Variants in TGM3 observed in about 807,000 individuals in gnomAD.
TGM3 encodes protein-glutamine gamma-glutamyltransferase E.
A neutral mutation model predicts 73.8 loss-of-function variants in TGM3; 52 were observed. The observed-to-expected ratio is 0.70, with a 90% CI of 0.56 to 0.89. TGM3 has a LOEUF of 0.89. Among genes scored for constraint, TGM3 ranks in the 40% least tolerant of loss-of-function variants. The pLI, the probability that TGM3 is intolerant of heterozygous loss-of-function variation, is 0.00. For missense variants in TGM3, 928 were observed against 909.9 expected, an observed-to-expected ratio of 1.02 and a Z score of -0.26; for synonymous variants, 372 against 354.9, an observed-to-expected ratio of 1.05 and a Z score of -0.54.
At chr20:2,299,776 T>C (rs1412608090) in intron 1 of TGM3, among the ~76,000 whole-genome samples, 1 of 152,216 alleles carries the variant, frequency 6.6e-6, no homozygotes, top group African/African-American at 2.4e-5. Context: ...CAGTCCCTGC[T>C]GCACATTAGA....
At chr20:2,339,582 A>G (rs1373733382) in intron 11 of TGM3, among the ~76,000 whole-genome samples, 1 of 152,134 alleles carries the variant, frequency 6.6e-6, no homozygotes, top group Non-Finnish European at 1.5e-5. Context: ...GGGAAGTAAC[A>G]GTGTTGTTGG....
intron 11 of TGM3, 77 bp downstream of exon 11, chr20:2,335,350 T>C (rs763142158): frequency 5.7e-6 from 9 of 1,566,444 alleles, no homozygotes; most frequent in Non-Finnish European, 7.0e-6. Flanking sequence ...ACTGTCCCTG[T>C]GAGCCACAGC....
intron 7 of TGM3, among the ~76,000 whole-genome samples, chr20:2,318,398 C>T (rs922435458): frequency 2.0e-5 from 3 of 152,034 alleles, no homozygotes; most frequent in South Asian, 2.1e-4. Flanking sequence ...CACACACACA[C>T]GTAATTTAAT....
At chr20:2,335,381 A>G in intron 11 of TGM3, 108 bp downstream of exon 11, 1 of 1,404,090 alleles carries the variant, frequency 7.1e-7, no homozygotes, top group Non-Finnish European at 9.7e-7. Context: ...GGCAAAGGAG[A>G]GTTTTTTCTT....
intron 5 of TGM3, among the ~76,000 whole-genome samples, chr20:2,315,256 T>C (rs1316885261): frequency 6.6e-6 from 1 of 152,234 alleles, no homozygotes; most frequent in African/African-American, 2.4e-5. Flanking sequence ...GATGCTCTAT[T>C]CAGACCTCCC....
At chr20:2,311,492 T>C (rs2084203270) in intron 4 of TGM3, among the ~76,000 whole-genome samples, 1 of 152,196 alleles carries the variant, frequency 6.6e-6, no homozygotes, top group South Asian at 2.1e-4. Context: ...TTTCATTCCA[T>C]GTAACAATGC....
Position 2,321,049 on chromosome 20 carries a change from C to G in TGM3, c.983+3564C>G, listed in dbSNP as rs535961512. On this transcript the variant is annotated intron_variant, in intron 7 of 12. Coordinates refer to ENST00000381458, the MANE Select transcript of TGM3 (RefSeq NM_003245.4). ...GCCCCTGGCTCCTCATGCAATCTCTCCACGGCCTCTGCCTCTGAATACCTG... is the reference window on the plus strand; with the variant it reads ...GCCCCTGGCTCCTCATGCAATCTCTGCACGGCCTCTGCCTCTGAATACCTG... Among the ~76,000 whole-genome samples, 7 of 152,308 alleles carry G rather than the reference C, an allele frequency of 4.6e-5. No individual in the cohort carries two copies. In the South Asian group the frequency reaches 1.5e-3, roughly 32 times the overall value.
In TGM3 at chr20:2,328,454, C is replaced by A. The variant is rs1456739778; in HGVS notation, c.1333+89C>A. The A allele has an allele frequency of 2.0e-6, 3 of 1,532,762 alleles. No homozygotes were observed. In the East Asian group the frequency reaches 6.9e-5, roughly 35 times the overall value. The allele number at this position is 1,532,762 out of a possible 1,614,324, so 94.9% of individuals were successfully genotyped here. The stretch of plus-strand genomic sequence containing the variant: ...CTGGAGAGGAGAAAAGTCCTCACCT[C>A]CCCCGCACTGGCAGCCAGTTCTGCC... On this transcript the variant is annotated intron_variant, in intron 9 of 12. Transcript: ENST00000381458. This position sits in a 1 kb window ranked among gnomAD's most constrained non-coding sequence, Gnocchi z 5.2.
intron 4 of TGM3, among the ~76,000 whole-genome samples, chr20:2,312,326 G>T (rs2084208943): frequency 6.6e-6 from 1 of 150,688 alleles, no homozygotes; most frequent in East Asian, 2.0e-4. Flanking sequence ...CTTCCCAGGA[G>T]GTGGAGGTCA....
At position 2,314,037 on chromosome 20, in the gene TGM3, G is replaced by T. The variant is rs192806628; in HGVS notation, c.669+1011G>T. On this transcript the variant is annotated intron_variant, in intron 5 of 12. Coordinates refer to ENST00000381458, the MANE Select transcript of TGM3 (RefSeq NM_003245.4). ...AAAAAAAAATTAGCAGGGCATGGTA[G>T]CATGTGACAGTAGTCCCAGCTACTT... Among the ~76,000 whole-genome samples the T allele has an allele frequency of 2.2e-3, 330 of 152,176 alleles. 1 individual carries two copies. The Middle Eastern group carries it at 0.061, about 28-fold the overall frequency.
Position 2,332,863 on chromosome 20 carries a change from G to T in TGM3, c.1642+553G>T, listed in dbSNP as rs573758182. Reference sequence around the variant, plus strand: ...TTTCAAATTTGACCTCAGGAGGGTGGCAATGACCACGGGACCCTAAACCTT... The same window carrying T: ...TTTCAAATTTGACCTCAGGAGGGTGTCAATGACCACGGGACCCTAAACCTT... On this transcript the variant is annotated intron_variant, in intron 10 of 12. Transcript: ENST00000381458. The surrounding 1 kb of genome is among the most constrained non-coding windows in gnomAD (Gnocchi z 4.4). Among the ~76,000 whole-genome samples, 63 of 152,274 alleles carry T rather than the reference G, an allele frequency of 4.1e-4. No homozygotes were observed. Among genetic ancestry groups the T allele is most frequent in the Middle Eastern group, 3.4e-3 (1 of 294 alleles).
chr20:2,310,066 A>G, intron 2 of TGM3, 112 bp from the exon 3 acceptor site: 1 of 1,500,202 alleles, frequency 6.7e-7, no homozygotes, highest in Non-Finnish European at 9.0e-7. Flanking sequence ...CAGTGGTAGA[A>G]TATGGCGCTT....
At chr20:2,302,714 T>TAAAAAAAAAAAAAAA (rs56347560) in intron 1 of TGM3, among the ~76,000 whole-genome samples, 11 of 105,258 alleles carry the variant, frequency 1.0e-4, no homozygotes, top group East Asian at 6.6e-4. Flanking sequence ...AGAGGTTTTC[T>TAAAAAAAAAAAAAAA]AAAAAAAAAA....
At position 2,328,452 on chromosome 20, in the gene TGM3, C is replaced by G; in HGVS notation, c.1333+87C>G. The stretch of plus-strand genomic sequence containing the variant: ...GGCTGGAGAGGAGAAAAGTCCTCAC[C>G]TCCCCCGCACTGGCAGCCAGTTCTG... On this transcript the variant is annotated intron_variant, in intron 9 of 12. Coordinates refer to ENST00000381458, the MANE Select transcript of TGM3 (RefSeq NM_003245.4). The surrounding 1 kb of genome is among the most constrained non-coding windows in gnomAD (Gnocchi z 5.2). 6.5e-7 allele frequency: 1 copy of G among 1,539,976 alleles called. No individual in the cohort carries two copies. The highest frequency in any genetic ancestry group is 8.8e-7 in the Non-Finnish European group (1 of 1,137,808).
At chr20:2,315,200 C>T (rs2084226941) in intron 5 of TGM3, among the ~76,000 whole-genome samples, 2 of 152,220 alleles carry the variant, frequency 1.3e-5, no homozygotes, top group South Asian at 4.1e-4. Context: ...CACCCCAGGG[C>T]CAAACCACTT....
At chr20:2,312,774 G>C in intron 4 of TGM3, 124 bp from the exon 5 acceptor site, 1 of 1,406,708 alleles carries the variant, frequency 7.1e-7, no homozygotes, top group South Asian at 1.3e-5. Flanking sequence ...GTAGCTCTCA[G>C]TTCCAGAGGC....
At chr20:2,297,810 T>C (rs2084119089) in intron 1 of TGM3, among the ~76,000 whole-genome samples, 1 of 152,182 alleles carries the variant, frequency 6.6e-6, no homozygotes, top group African/African-American at 2.4e-5. Flanking sequence ...AGAAGAGCTG[T>C]GCCAGGTGCA....
At chr20:2,315,456 A>G (rs913985553) in intron 5 of TGM3, among the ~76,000 whole-genome samples, 2 of 152,210 alleles carry the variant, frequency 1.3e-5, no homozygotes, top group African/African-American at 4.8e-5. Context: ...ATGACAGCCC[A>G]GGACCTCCTG....
rs1305597194 is a variant in TGM3 at position 2,332,062 on chromosome 20, C to G, written c.1394C>G (p.Pro465Arg). Residue 465 changes from proline to arginine, a missense_variant, in exon 10 of 13, where the codon CCA becomes CGA. Pro to Arg is a moderately radical substitution (Grantham distance 103, BLOSUM62 -2). Transcript: ENST00000381458. This position sits in a 1 kb window ranked among gnomAD's most constrained non-coding sequence, Gnocchi z 4.4. ...TTGGGGAAACTTAAACCCAACACGCCATTTGCCGCGACGTCTTCAATGGGT... is the reference window on the plus strand; with the variant it reads ...TTGGGGAAACTTAAACCCAACACGCGATTTGCCGCGACGTCTTCAATGGGT... Reference protein sequence around the residue: ...KALGKLKPNTPFAATSSMGLE... With the variant: ...KALGKLKPNTRFAATSSMGLE... The G allele has an allele frequency of 3.7e-6, 6 of 1,614,032 alleles. No individual in the cohort carries two copies. The Admixed American group carries it at 6.7e-5, about 18-fold the overall frequency.
Sources: gnomAD v4.1 joint callset for allele counts (sites outside exome capture counted in the v4.1 genomes callset) on GRCh38, gnomAD v4.1.1 for gene constraint, Gnocchi (gnomAD v3.1) non-coding constraint, MANE v1.5 for transcripts, NCBI Gene and HGNC (gene_info 2026-07-23, HGNC 2026-07-21) for gene names.